DLG2: variants seen among roughly 807,000 people sequenced by gnomAD.
The protein encoded by DLG2 is discs large MAGUK scaffold protein 2.
Under a neutral mutation model 132.5 loss-of-function variants are expected in DLG2, and 45 were observed. That is an observed-to-expected ratio of 0.34 (90% CI 0.27 to 0.44). The LOEUF (loss-of-function observed/expected upper bound fraction) is 0.44. Among genes scored for constraint, DLG2 ranks in the 20% least tolerant of loss-of-function variants. The probability of loss-of-function intolerance (pLI) is 1.00; values close to 1 mark genes in which losing one functional copy is unlikely to be tolerated. For missense variants in DLG2, 1,045 were observed against 1,196.9 expected (o/e 0.87, Z 1.87); for synonymous variants, 424 against 419.6 (o/e 1.01, Z -0.13).
intron 6 of DLG2, among the ~76,000 whole-genome samples, chr11:84,894,508 G>C (rs2089914619): frequency 6.6e-6 from 1 of 151,936 alleles, no homozygotes; most frequent in African/African-American, 2.4e-5. Context: ...ACAAACTCCT[G>C]GGTCTCCTAC....
intron 7 of DLG2, among the ~76,000 whole-genome samples, chr11:84,357,052 G>A (rs1179671350): frequency 1.3e-5 from 2 of 152,006 alleles, no homozygotes; most frequent in Non-Finnish European, 2.9e-5. Flanking sequence ...AGGCGAGGTA[G>A]GAGAGGTGAG....
At chr11:84,411,723 A>G (rs2098905739) in intron 7 of DLG2, among the ~76,000 whole-genome samples, 1 of 152,238 alleles carries the variant, frequency 6.6e-6, no homozygotes, top group Non-Finnish European at 1.5e-5. Context: ...TAAACAAAGC[A>G]ACTATAGTAT....
chr11:85,229,898 A>C (rs539455408), intron 4 of DLG2, among the ~76,000 whole-genome samples: 1 of 152,230 alleles, frequency 6.6e-6, no homozygotes, highest in Admixed American at 6.6e-5. Flanking sequence ...ACAGAAAACC[A>C]AACACCACAT....
chr11:85,299,893 T>C lies in DLG2; in HGVS notation c.41-14528A>G, dbSNP rs59472664. ...TACCAAAGTAGCTAAATAGTGTTTT[T>C]TGATTTATAAAACTATAACACATAC... is the stretch of plus-strand genomic sequence containing the variant. On this transcript the variant is annotated intron_variant, in intron 3 of 27. Transcript: ENST00000376104. Among the ~76,000 whole-genome samples, 199 of 152,348 alleles carry C rather than the reference T, an allele frequency of 1.3e-3. 2 individuals are homozygous for C. The highest frequency in any genetic ancestry group is 4.6e-3 in the African/African-American group (193 of 41,584).
At chr11:84,172,043 G>C (rs1285751245) in intron 8 of DLG2, among the ~76,000 whole-genome samples, 1 of 152,078 alleles carries the variant, frequency 6.6e-6, no homozygotes, top group Non-Finnish European at 1.5e-5. Context: ...TTCCATAACA[G>C]TTCTGTACTT....
intron 6 of DLG2, among the ~76,000 whole-genome samples, chr11:84,694,103 C>T (rs562202617): frequency 3.3e-5 from 5 of 151,678 alleles, no homozygotes; most frequent in Non-Finnish European, 4.4e-5. Context: ...TTGCCTATAA[C>T]ATCATAGGAG....
chr11:83,864,329 A>C (rs987020760), intron 16 of DLG2, among the ~76,000 whole-genome samples: 1 of 152,224 alleles, frequency 6.6e-6, no homozygotes, highest in Admixed American at 6.5e-5. Flanking sequence ...TGAGTTCTTC[A>C]GGGGCAAGGC....
chr11:85,301,378 T>C (rs2079574939), intron 3 of DLG2, among the ~76,000 whole-genome samples: 1 of 152,202 alleles, frequency 6.6e-6, no homozygotes, highest in South Asian at 2.1e-4. Context: ...GAAGACTATA[T>C]ACGTTCTATA....
chr11:85,214,110 T>C (rs1191361608), intron 4 of DLG2, among the ~76,000 whole-genome samples: 3 of 152,164 alleles, frequency 2.0e-5, no homozygotes, highest in South Asian at 4.1e-4. Context: ...GCCCATGCTG[T>C]TCACTCCTAC....
chr11:85,403,495 A>G (rs986738143), intron 3 of DLG2, among the ~76,000 whole-genome samples: 18 of 152,064 alleles, frequency 1.2e-4, no homozygotes, highest in African/African-American at 4.3e-4. Flanking sequence ...ATAATAAAAA[A>G]AATTAAATTT....
At chr11:85,492,250 C>T (rs1040404489) in intron 3 of DLG2, among the ~76,000 whole-genome samples, 2 of 152,142 alleles carry the variant, frequency 1.3e-5, no homozygotes, top group Non-Finnish European at 2.9e-5. Context: ...AAAGTAATTG[C>T]AGCAAAATTT....
intron 18 of DLG2, among the ~76,000 whole-genome samples, chr11:83,704,806 G>A (rs894572206): frequency 1.3e-5 from 2 of 152,104 alleles, no homozygotes; most frequent in Non-Finnish European, 1.5e-5. Context: ...CAGCCTGGGC[G>A]ACAGAGCGAG....
chr11:84,408,477 A>G (rs997159549), intron 7 of DLG2, among the ~76,000 whole-genome samples: 2 of 152,184 alleles, frequency 1.3e-5, no homozygotes, highest in African/African-American at 2.4e-5. Context: ...ATTTAAGACA[A>G]TTAACCAGCC....
chr11:85,260,870 T>C (rs972178191), intron 4 of DLG2, among the ~76,000 whole-genome samples: 3 of 152,160 alleles, frequency 2.0e-5, no homozygotes, highest in African/African-American at 7.2e-5. Flanking sequence ...GATGTAGCAA[T>C]CTCTTCATGG....
chr11:84,962,204 A>G (rs1471685064), intron 6 of DLG2, among the ~76,000 whole-genome samples: 1 of 152,276 alleles, frequency 6.6e-6, no homozygotes, highest in African/African-American at 2.4e-5. Flanking sequence ...TTGATCTCAT[A>G]GAAAAGAAAA....
At chr11:85,367,102 T>C (rs1022489673) in intron 3 of DLG2, among the ~76,000 whole-genome samples, 2 of 152,178 alleles carry the variant, frequency 1.3e-5, no homozygotes, top group East Asian at 1.9e-4. Flanking sequence ...AAGTATGACA[T>C]AGAATACAGA....
chr11:84,489,346 G>A (rs1181486579), intron 7 of DLG2, among the ~76,000 whole-genome samples: 5 of 151,876 alleles, frequency 3.3e-5, no homozygotes, highest in South Asian at 2.1e-4. Context: ...ACTGCTTTTT[G>A]ACCATTATCA....
intron 6 of DLG2, among the ~76,000 whole-genome samples, chr11:85,100,033 C>T (rs2070613346): frequency 6.6e-6 from 1 of 152,042 alleles, no homozygotes; most frequent in Non-Finnish European, 1.5e-5. Context: ...TTAGGAAATA[C>T]CTTTCAAAGA....
chr11:85,575,166 T>A (rs957785499), intron 3 of DLG2, among the ~76,000 whole-genome samples: 3 of 149,806 alleles, frequency 2.0e-5, no homozygotes, highest in East Asian at 2.0e-4. Context: ...AAAAAAAAAA[T>A]CTTTATAATG....
Sources: allele counts gnomAD v4.1 joint callset (sites outside exome capture counted in the v4.1 genomes callset), GRCh38; gene constraint gnomAD v4.1.1; transcripts MANE v1.5; gene names NCBI Gene and HGNC (gene_info 2026-07-23, HGNC 2026-07-21).